The following RFX3 variants were observed in gnomAD, a reference collection of about 807,000 sequenced individuals.
RFX3 encodes the protein transcription factor RFX3.
In RFX3, 14 loss-of-function variants were observed where a neutral mutation model predicts 98.6. The ratio of observed to expected loss-of-function variants is 0.14; its 90% CI spans 0.09 to 0.22. The LOEUF (loss-of-function observed/expected upper bound fraction) is 0.22. Ranked by LOEUF, RFX3 falls within the 10% of genes least tolerant of loss-of-function variation. RFX3 has a pLI of 1.00. For missense variants in RFX3, 639 were observed against 926.9 expected (o/e 0.69, Z 4.03); for synonymous variants, 383 against 328.4 (o/e 1.17, Z -1.80).
At chr9:3,484,447 G>C (rs1440722752) in intron 1 of RFX3, among the ~76,000 whole-genome samples, 2 of 152,138 alleles carry the variant, frequency 1.3e-5, no homozygotes, top group African/African-American at 2.4e-5. Flanking sequence ...AGTGGTCAGA[G>C]GGACCTAAGA....
rs545613225 is a variant in RFX3, at chr9:3,474,847, C to T, written c.-9+50900G>A. On this transcript the variant is annotated intron_variant, in intron 1 of 16. Transcript: ENST00000617270. ...TATGGTGGCTCATGCCTGTAATCTC[C>T]GCACTTTGGGAGGCCAAGGAAGGAG... 1.1e-4 allele frequency among the ~76,000 whole-genome samples: 16 copies of T among 152,216 alleles called. No homozygotes were observed. In the South Asian group the frequency reaches 2.9e-3, roughly 28 times the overall value.
chr9:3,493,987 A>G (rs1850934937), intron 1 of RFX3, among the ~76,000 whole-genome samples: 1 of 151,974 alleles, frequency 6.6e-6, no homozygotes, highest in African/African-American at 2.4e-5. Flanking sequence ...TCAAGCCCAT[A>G]ACCCTTTTTC....
chr9:3,341,148 G>A (rs868006301), intron 3 of RFX3, among the ~76,000 whole-genome samples: 12 of 151,812 alleles, frequency 7.9e-5, no homozygotes, highest in South Asian at 2.1e-4. Flanking sequence ...GCAAACTATC[G>A]CAGGGACAAA....
rs113209751 is a variant in RFX3, at chr9:3,461,037, T to C, written c.-9+64710A>G. Among the ~76,000 whole-genome samples the C allele has an allele frequency of 2.0e-4, 30 of 151,408 alleles. No individual in the cohort carries two copies. In the Middle Eastern group the frequency reaches 0.027, roughly 138 times the overall value. ...TAGTTTTGGTACATTTTAACATTCA[T>C]CGCTGAGATTTACTATTTCTTATTT... On this transcript the variant is annotated intron_variant, in intron 1 of 16. Transcript: ENST00000617270.
At chr9:3,415,171 T>TTATATA (rs374414473) in intron 1 of RFX3, among the ~76,000 whole-genome samples, 9 of 136,806 alleles carry the variant, frequency 6.6e-5, no homozygotes, top group Non-Finnish European at 1.1e-4. Flanking sequence ...ATATATATAC[T>TTATATA]TATATATATA....
At chr9:3,415,519 G>A (rs1007967559) in intron 1 of RFX3, among the ~76,000 whole-genome samples, 5 of 152,048 alleles carry the variant, frequency 3.3e-5, no homozygotes, top group African/African-American at 4.8e-5. Flanking sequence ...ATTACTGAAG[G>A]CAGGTTGCTG....
chr9:3,520,321 G>C (rs1450408619), intron 1 of RFX3, among the ~76,000 whole-genome samples: 1 of 152,088 alleles, frequency 6.6e-6, no homozygotes, highest in Non-Finnish European at 1.5e-5. Flanking sequence ...ACTAATTATA[G>C]TAAAATATGG....
Position 3,293,171 on chromosome 9 carries a change from G to C in RFX3, c.637C>G (p.Gln213Glu), listed in dbSNP as rs2060624942. 3.1e-6 allele frequency: 5 copies of C among 1,613,504 alleles called. No individual in the cohort carries two copies. Among genetic ancestry groups the C allele is most frequent in the East Asian group, 2.2e-5 (1 of 44,818 alleles). ...TTGACTGGGTCCAGTTTGTGTTCCTGACAGTGTCGAAGGTAGTGGTTGTAC... is the reference window on the plus strand; with the variant it reads ...TTGACTGGGTCCAGTTTGTGTTCCTCACAGTGTCGAAGGTAGTGGTTGTAC... ...TLYNHYLRHC[Q>E]EHKLDPVNAA... The change falls in exon 6 of 17, where the codon CAG (glutamine) becomes GAG (glutamate). Residue 213 changes from glutamine (Q) to glutamate (E), a missense_variant. Gln to Glu is a conservative substitution (Grantham distance 29). Around this residue, in one of 9 missense-constraint regions of RFX3, gnomAD observed 24 missense variants for 74.5 expected, o/e 0.32. Coordinates refer to ENST00000617270, the MANE Select transcript of RFX3 (RefSeq NM_001282116.2).
chr9:3,243,432 G>A (rs1586709859), intron 15 of RFX3, among the ~76,000 whole-genome samples: 1 of 151,986 alleles, frequency 6.6e-6, no homozygotes. Flanking sequence ...TTGGGACTGT[G>A]AAGCTGTTTC....
chr9:3,382,995 T>C (rs1839349953), intron 2 of RFX3, among the ~76,000 whole-genome samples: 1 of 152,192 alleles, frequency 6.6e-6, no homozygotes, highest in Admixed American at 6.5e-5. Context: ...GCTCATATTA[T>C]CACTTTTTGA....
At chr9:3,249,867 T>A (rs1484236800) in intron 14 of RFX3, among the ~76,000 whole-genome samples, 1 of 152,044 alleles carries the variant, frequency 6.6e-6, no homozygotes, top group East Asian at 1.9e-4. Context: ...ATATTCATTA[T>A]CATAAATAGT....
At chr9:3,434,886 T>C (rs1012017514) in intron 1 of RFX3, among the ~76,000 whole-genome samples, 1 of 152,098 alleles carries the variant, frequency 6.6e-6, no homozygotes, top group African/African-American at 2.4e-5. Context: ...GTACAGCCTA[T>C]TATACACCTA....
intron 1 of RFX3, among the ~76,000 whole-genome samples, chr9:3,486,912 A>G (rs78304322): frequency 0.026 from 3,947 of 152,346 alleles, 123 homozygotes; most frequent in African/African-American, 0.072. Flanking sequence ...AAGTGAAAAC[A>G]TATTTTGGAA....
intron 1 of RFX3, among the ~76,000 whole-genome samples, chr9:3,514,970 T>C (rs1270776745): frequency 6.6e-6 from 1 of 152,192 alleles, no homozygotes; most frequent in Non-Finnish European, 1.5e-5. Flanking sequence ...GTCATCAAAA[T>C]TCATCTCTGA....
chr9:3,250,342 A>T (rs1821219714), intron 14 of RFX3, among the ~76,000 whole-genome samples: 1 of 152,064 alleles, frequency 6.6e-6, no homozygotes, highest in Admixed American at 6.6e-5. Context: ...AATTTAAAGT[A>T]TAAGACAAAT....
chr9:3,300,121 T>C (rs1193804844), intron 5 of RFX3, among the ~76,000 whole-genome samples: 1 of 151,488 alleles, frequency 6.6e-6, no homozygotes, highest in Non-Finnish European at 1.5e-5. Context: ...ACACACAGCC[T>C]AGTAGTATAC....
At chr9:3,509,061 T>C (rs1423221967) in intron 1 of RFX3, among the ~76,000 whole-genome samples, 1 of 151,626 alleles carries the variant, frequency 6.6e-6, no homozygotes, top group African/African-American at 2.4e-5. Context: ...TCCCATACTA[T>C]TAAAAAGTAA....
intron 2 of RFX3, among the ~76,000 whole-genome samples, chr9:3,358,479 G>A (rs540762345): frequency 6.6e-6 from 1 of 152,132 alleles, no homozygotes; most frequent in Non-Finnish European, 1.5e-5. Context: ...TGGCTAACTT[G>A]TCTAGGATAG....
At chr9:3,331,299 T>C (rs908681674) in intron 3 of RFX3, among the ~76,000 whole-genome samples, 1 of 152,202 alleles carries the variant, frequency 6.6e-6, no homozygotes, top group Admixed American at 6.5e-5. Context: ...GGCCACTCCA[T>C]GTTACCCTTC....
Sources: gnomAD v4.1 joint callset for allele counts (sites outside exome capture counted in the v4.1 genomes callset) on GRCh38, gnomAD v4.1.1 for gene constraint, gnomAD v4.1.1 regional missense constraint, MANE v1.5 for transcripts, NCBI Gene and HGNC (gene_info 2026-07-23, HGNC 2026-07-21) for gene names.